Variants in DIP2A observed in about 807,000 individuals in gnomAD.
The protein encoded by DIP2A is DIP2 acetate--CoA ligase A.
In DIP2A, 85 loss-of-function variants were observed where a neutral mutation model predicts 177.4. That is an observed-to-expected ratio of 0.48 (90% CI 0.40 to 0.57). The LOEUF (loss-of-function observed/expected upper bound fraction) is 0.57. Ranked by LOEUF, DIP2A falls within the 20% of genes least tolerant of loss-of-function variation. The pLI, the probability that DIP2A is intolerant of heterozygous loss-of-function variation, is 0.00. For synonymous variants in DIP2A, 886 were observed against 881.8 expected (o/e 1.00, Z -0.08); for missense variants, 1,791 against 2,100.2 (o/e 0.85, Z 2.88).
In DIP2A at chr21:46,557,103, G is replaced by A; in HGVS notation, c.3629+34G>A. The stretch of plus-strand genomic sequence containing the variant: ...AGGGCCCCTGCTGCCTGCCAGGTGG[G>A]AGCAGCTCGTGTGGCTCTTAGGAAC... On this transcript the variant is annotated intron_variant, in intron 30 of 37. Coordinates refer to ENST00000417564, the MANE Select transcript of DIP2A (RefSeq NM_015151.4). This position sits in a 1 kb window ranked among gnomAD's most constrained non-coding sequence, Gnocchi z 6.0. The A allele has an allele frequency of 6.4e-7, 1 of 1,569,280 alleles. No individual in the cohort carries two copies. Among genetic ancestry groups the A allele is most frequent in the South Asian group, 1.1e-5 (1 of 87,182 alleles).
At chr21:46,496,892 T>C in intron 3 of DIP2A, 96 bp from the exon 4 acceptor site, 2 of 1,296,952 alleles carry the variant, frequency 1.5e-6, no homozygotes, top group Non-Finnish European at 2.1e-6. Context: ...CTATTCCTTT[T>C]ACCCCCACTG....
At chr21:46,541,015 CAAAAAAA>C (rs532906368) in intron 17 of DIP2A, among the ~76,000 whole-genome samples, 2 of 71,914 alleles carry the variant, frequency 2.8e-5, no homozygotes, top group East Asian at 5.3e-4. Flanking sequence ...AACTCTGTGT[CAAAAAAA>C]AAAAAAAAAA....
At chr21:46,550,120 T>C (rs1276490336) in intron 22 of DIP2A, 67 of 1,146,278 alleles carry the variant, frequency 5.8e-5, no homozygotes, top group Non-Finnish European at 7.5e-5. Flanking sequence ...ATCACCTCAA[T>C]ATTTATTTTT....
intron 2 of DIP2A, among the ~76,000 whole-genome samples, chr21:46,489,955 G>A (rs1201135829): frequency 6.6e-6 from 1 of 152,160 alleles, no homozygotes; most frequent in Non-Finnish European, 1.5e-5. Context: ...AGTGTGGAGA[G>A]CAGCAGCGTG....
intron 1 of DIP2A, among the ~76,000 whole-genome samples, chr21:46,466,019 A>G (rs2054794672): frequency 6.6e-6 from 1 of 152,188 alleles, no homozygotes; most frequent in African/African-American, 2.4e-5. Context: ...GACCAATGAT[A>G]ATATTTGTGC....
intron 1 of DIP2A, among the ~76,000 whole-genome samples, chr21:46,459,726 C>T (rs745609209): frequency 3.2e-4 from 48 of 148,142 alleles, no homozygotes; most frequent in Admixed American, 9.2e-4. Context: ...CATACAAGGA[C>T]TCCTCCCCCC....
At chr21:46,509,521 A>G (rs2058202088) in intron 7 of DIP2A, 145 bp downstream of exon 7, 1 of 1,043,386 alleles carries the variant, frequency 9.6e-7, no homozygotes, top group Admixed American at 3.9e-5. Flanking sequence ...TGTAATGGTG[A>G]ATTTAGAATC....
At position 46,556,846 on chromosome 21, in the gene DIP2A, T is replaced by C; in HGVS notation, c.3499-93T>C. On this transcript the variant is annotated intron_variant, in intron 29 of 37. Transcript: ENST00000417564. The surrounding 1 kb of genome is among the most constrained non-coding windows in gnomAD (Gnocchi z 4.5). ...GATGTTTGGTAGTTCGGAGCTATGG[T>C]CTAGCCATGTGAACAGCGGACACTG... is the stretch of plus-strand genomic sequence containing the variant. The C allele has an allele frequency of 8.5e-7, 1 of 1,171,004 alleles. No individual in the cohort carries two copies. Among genetic ancestry groups the C allele is most frequent in the East Asian group, 2.6e-5 (1 of 38,668 alleles). 72.5% of individuals were successfully genotyped at this position (1,171,004 alleles called of 1,614,324 possible).
intron 25 of DIP2A, 96 bp from the exon 26 acceptor site, chr21:46,554,070 TGTC>T: frequency 7.0e-7 from 1 of 1,427,532 alleles, no homozygotes. Context: ...AATCACAAGG[TGTC>T]GTGTGCAGTG....
intron 8 of DIP2A, among the ~76,000 whole-genome samples, chr21:46,519,510 C>T (rs1264807916): frequency 6.6e-6 from 1 of 152,120 alleles, no homozygotes; most frequent in Non-Finnish European, 1.5e-5. Context: ...TCAGGCTGAA[C>T]AGGAGTGATG....
Position 46,464,143 on chromosome 21 carries a change from C to G in DIP2A, c.91+4921C>G, listed in dbSNP as rs1006116918. On this transcript the variant is annotated intron_variant, in intron 1 of 37. Transcript: ENST00000417564. ...GCGCAGTGGCTCACACCTGTAATCC[C>G]AGCACTTTGGGAGGCTGAGGCGGGT... 3.0e-3 allele frequency among the ~76,000 whole-genome samples: 451 copies of G among 151,922 alleles called. 9 individuals carry two copies. The highest frequency in any genetic ancestry group is 4.6e-4 in the Non-Finnish European group (31 of 67,938).
At chr21:46,539,586 G>A in intron 16 of DIP2A, 2 of 427,326 alleles carry the variant, frequency 4.7e-6, no homozygotes, top group Non-Finnish European at 8.9e-6. Flanking sequence ...GATCCTTGCA[G>A]TGCCGTGCAG....
At chr21:46,495,061 A>G (rs538145629) in intron 3 of DIP2A, among the ~76,000 whole-genome samples, 27 of 152,176 alleles carry the variant, frequency 1.8e-4, no homozygotes, top group Non-Finnish European at 3.8e-4. Context: ...AAAAGACAGG[A>G]TACCACATTT....
chr21:46,558,381 C>A lies in DIP2A; in HGVS notation c.3957C>A (p.Ala1319=). ...STTFGCRVNV[A]ICLQGTAGPD... The stretch of plus-strand genomic sequence containing the variant: ...CGTTCGGGTGCAGGGTCAACGTGGC[C>A]ATCTGCCTCCAGGTGAGGTGCCTGG... Residue 1319 remains alanine, a synonymous_variant, in exon 32 of 38, where the codon GCC becomes GCA. Transcript: ENST00000417564. 6.3e-7 allele frequency: 1 copy of A among 1,576,292 alleles called. No individual in the cohort carries two copies.
At chr21:46,470,856 G>A (rs1293346377) in intron 1 of DIP2A, among the ~76,000 whole-genome samples, 2 of 150,490 alleles carry the variant, frequency 1.3e-5, no homozygotes, top group Non-Finnish European at 2.9e-5. Context: ...TTGAACCCAG[G>A]AGGCGGAGGT....
intron 23 of DIP2A, 83 bp downstream of exon 23, chr21:46,550,827 A>C (rs112042379): frequency 1.5e-5 from 21 of 1,393,706 alleles, no homozygotes; most frequent in Non-Finnish European, 1.9e-5. Flanking sequence ...GCCCTGCTAG[A>C]CCTCCAGTGC....
chr21:46,552,576 G>A (rs1392210342), intron 25 of DIP2A, among the ~76,000 whole-genome samples: 4 of 152,314 alleles, frequency 2.6e-5, no homozygotes, highest in Non-Finnish European at 2.9e-5. Flanking sequence ...CTTTGGTGTC[G>A]TAAAGAGTAG....
chr21:46,481,761 A>G (rs1440842751), intron 1 of DIP2A, among the ~76,000 whole-genome samples: 1 of 152,210 alleles, frequency 6.6e-6, no homozygotes, highest in East Asian at 1.9e-4. Flanking sequence ...ATAGGAAAAA[A>G]TCAGTGGGGC....
At chr21:46,540,780 G>A (rs112760865) in intron 17 of DIP2A, among the ~76,000 whole-genome samples, 7,800 of 152,196 alleles carry the variant, frequency 0.051, 434 homozygotes, top group African/African-American at 0.14. Context: ...TTGGGAGGCC[G>A]AGGCAGGTGG....
Sources: allele counts gnomAD v4.1 joint callset (sites outside exome capture counted in the v4.1 genomes callset), GRCh38; gene constraint gnomAD v4.1.1; non-coding constraint Gnocchi (gnomAD v3.1); transcripts MANE v1.5; gene names NCBI Gene and HGNC (gene_info 2026-07-23, HGNC 2026-07-21).